The following KIF6 variants were observed in gnomAD, a reference collection of about 807,000 sequenced individuals.
KIF6 encodes kinesin family member 6.
Under a neutral mutation model 112.7 loss-of-function variants are expected in KIF6, and 106 were observed. The observed-to-expected ratio is 0.94, with a 90% CI of 0.80 to 1.11. KIF6 has a LOEUF of 1.11. Ranked by LOEUF, KIF6 falls within the 50% of genes least tolerant of loss-of-function variation. The pLI, the probability that KIF6 is intolerant of heterozygous loss-of-function variation, is 0.00. For missense variants in KIF6, 929 were observed against 964.0 expected, an observed-to-expected ratio of 0.96 and a Z score of 0.48; for synonymous variants, 339 against 339.9, an observed-to-expected ratio of 1.00 and a Z score of 0.03.
chr6:39,417,772 T>C (rs1289190921), intron 15 of KIF6, among the ~76,000 whole-genome samples: 1 of 152,196 alleles, frequency 6.6e-6, no homozygotes, highest in Non-Finnish European at 1.5e-5. Context: ...TATAGTCAAT[T>C]GGTGCCTTCC....
chr6:39,437,075 T>G (rs1449367525), intron 13 of KIF6, among the ~76,000 whole-genome samples: 1 of 152,142 alleles, frequency 6.6e-6, no homozygotes, highest in African/African-American at 2.4e-5. Context: ...TTGTAGAGAT[T>G]TTTCACCTCA....
rs117209053 is a variant in KIF6 at position 39,609,056 on chromosome 6, T to C, written c.639+4133A>G. 1.9e-4 allele frequency among the ~76,000 whole-genome samples: 29 copies of C among 152,340 alleles called. 1 individual carries two copies. The East Asian group carries it at 5.6e-3, about 29-fold the overall frequency. ...ATTTTACAGGTTAGAAAGTACAGTT[T>C]AGACCAGTTAAGTGACTTGTCCAAG... On this transcript the variant is annotated intron_variant, in intron 6 of 22. Coordinates refer to ENST00000287152, the MANE Select transcript of KIF6 (RefSeq NM_145027.6).
chr6:39,400,284 G>T (rs1345361495), intron 15 of KIF6, among the ~76,000 whole-genome samples: 1 of 152,186 alleles, frequency 6.6e-6, no homozygotes, highest in Admixed American at 6.5e-5. Flanking sequence ...AGGCAAGAAA[G>T]CTGTGCAAAC....
intron 10 of KIF6, among the ~76,000 whole-genome samples, chr6:39,563,279 T>C (rs1204948381): frequency 6.6e-6 from 1 of 152,102 alleles, no homozygotes; most frequent in Non-Finnish European, 1.5e-5. Context: ...GATTACTCCA[T>C]CCTGGAACCC....
At chr6:39,485,479 C>G (rs1377217753) in intron 13 of KIF6, among the ~76,000 whole-genome samples, 5 of 152,190 alleles carry the variant, frequency 3.3e-5, no homozygotes, top group Middle Eastern at 3.4e-3. Context: ...TCCTTAAAGG[C>G]TGGGGACTGC....
intron 10 of KIF6, among the ~76,000 whole-genome samples, chr6:39,570,077 G>A (rs1780560515): frequency 6.6e-6 from 1 of 152,142 alleles, no homozygotes. Flanking sequence ...ATGTTCTTTT[G>A]AAACAAATTC....
chr6:39,622,753 T>C (rs1055391842), intron 5 of KIF6, among the ~76,000 whole-genome samples: 3 of 152,220 alleles, frequency 2.0e-5, no homozygotes, highest in Non-Finnish European at 4.4e-5. Context: ...TTCCTGGACA[T>C]GAGCAGCCTC....
At chr6:39,584,565 C>T (rs1394957600) in intron 9 of KIF6, among the ~76,000 whole-genome samples, 1 of 150,624 alleles carries the variant, frequency 6.6e-6, no homozygotes, top group Non-Finnish European at 1.5e-5. Context: ...CTTAGGATTC[C>T]CTGCATGTCT....
chr6:39,431,883 A>T (rs6458116), intron 13 of KIF6, among the ~76,000 whole-genome samples: 1 of 151,976 alleles, frequency 6.6e-6, no homozygotes. Flanking sequence ...AGTGAGGGTC[A>T]GCGCAGATGT....
At position 39,505,476 on chromosome 6, in the gene KIF6, G is replaced by T. The variant is rs144828352; in HGVS notation, c.1645+34527C>A. 3.7e-3 allele frequency among the ~76,000 whole-genome samples: 562 copies of T among 152,288 alleles called. 6 individuals are homozygous for T. The highest frequency in any genetic ancestry group is 0.013 in the African/African-American group (529 of 41,580). On this transcript the variant is annotated intron_variant, in intron 13 of 22. Coordinates refer to ENST00000287152, the MANE Select transcript of KIF6 (RefSeq NM_145027.6). ...CATGATGAACACTCCTAAAGCAATT[G>T]CAACAAAAGCAAAAATTGACAAATG... is the stretch of plus-strand genomic sequence containing the variant.
intron 15 of KIF6, among the ~76,000 whole-genome samples, chr6:39,417,463 G>T (rs1435793434): frequency 1.3e-5 from 2 of 152,232 alleles, no homozygotes; most frequent in Admixed American, 1.3e-4. Context: ...AACTATGCTT[G>T]TTATTTTCTG....
chr6:39,342,339 TCAAA>T lies in KIF6; in HGVS notation c.2428+1366_2428+1369del, dbSNP rs1434001209. On this transcript the variant is annotated intron_variant, in intron 22 of 22. Transcript: ENST00000287152. This position sits in a 1 kb window ranked among gnomAD's most constrained non-coding sequence, Gnocchi z 4.7. ...CTATTTCATAGCACTTATTATCCCCTCAAACAATCTTACGTATTTGTCGACGTGT... is the reference window on the plus strand; with the variant it reads ...CTATTTCATAGCACTTATTATCCCCTCAATCTTACGTATTTGTCGACGTGT... Among the ~76,000 whole-genome samples, 1 of 152,234 alleles carries T rather than the reference TCAAA, an allele frequency of 6.6e-6. No homozygotes were observed. Among genetic ancestry groups the T allele is most frequent in the Non-Finnish European group, 1.5e-5 (1 of 68,052 alleles).
At chr6:39,505,539 G>A (rs551551776) in intron 13 of KIF6, among the ~76,000 whole-genome samples, 4 of 152,268 alleles carry the variant, frequency 2.6e-5, no homozygotes, top group East Asian at 1.9e-4. Flanking sequence ...CACAGCAAAA[G>A]AAACTATCAT....
At chr6:39,453,719 A>G (rs1772849617) in intron 13 of KIF6, among the ~76,000 whole-genome samples, 1 of 152,234 alleles carries the variant, frequency 6.6e-6, no homozygotes, top group Admixed American at 6.5e-5. Flanking sequence ...AAAACCACAA[A>G]AAAAGGGCAG....
chr6:39,499,329 A>AT (rs969521689), intron 13 of KIF6, among the ~76,000 whole-genome samples: 91 of 147,388 alleles, frequency 6.2e-4, no homozygotes, highest in African/African-American at 1.4e-3. Context: ...AGTTGGCCAG[A>AT]TTTTTTTTTT....
At chr6:39,512,277 G>A (rs980622637) in intron 13 of KIF6, among the ~76,000 whole-genome samples, 1 of 152,050 alleles carries the variant, frequency 6.6e-6, no homozygotes, top group Admixed American at 6.5e-5. Flanking sequence ...ATTCTTTTTT[G>A]TTATCTAATA....
intron 3 of KIF6, among the ~76,000 whole-genome samples, chr6:39,648,112 C>T (rs571423129): frequency 2.3e-3 from 341 of 150,444 alleles, no homozygotes; most frequent in African/African-American, 8.1e-3. Flanking sequence ...CAAACTCTGC[C>T]TCCCGGGTTC....
chr6:39,434,361 C>T (rs887186990), intron 13 of KIF6, among the ~76,000 whole-genome samples: 7 of 150,490 alleles, frequency 4.7e-5, no homozygotes, highest in African/African-American at 1.5e-4. Context: ...CTCAAGAGTT[C>T]AGGTTCAGTC....
intron 10 of KIF6, among the ~76,000 whole-genome samples, chr6:39,552,375 C>T (rs889572889): frequency 2.0e-5 from 3 of 152,168 alleles, no homozygotes; most frequent in Non-Finnish European, 4.4e-5. Context: ...ATGTCAGGCA[C>T]TTTCACATAT....
Sources: allele counts gnomAD v4.1 joint callset (sites outside exome capture counted in the v4.1 genomes callset), GRCh38; gene constraint gnomAD v4.1.1; non-coding constraint Gnocchi (gnomAD v3.1); transcripts MANE v1.5; gene names NCBI Gene and HGNC (gene_info 2026-07-23, HGNC 2026-07-21).